The following FANCC variants were observed in gnomAD, a reference collection of about 807,000 sequenced individuals.
The protein encoded by FANCC is FA complementation group C, also known as Fanconi anemia group C protein.
In FANCC, 55 loss-of-function variants were observed where a neutral mutation model predicts 71.3. That is an observed-to-expected ratio of 0.77 (90% CI 0.62 to 0.97). The LOEUF is 0.97. Among genes scored for constraint, FANCC ranks in the 50% least tolerant of loss-of-function variants. The pLI, the probability that FANCC is intolerant of heterozygous loss-of-function variation, is 0.00. For missense variants in FANCC, 678 were observed against 670.9 expected (o/e 1.01, Z -0.12); for synonymous variants, 275 against 244.9 (o/e 1.12, Z -1.15).
intron 10 of FANCC, among the ~76,000 whole-genome samples, chr9:95,124,789 C>G (rs1204473432): frequency 6.6e-6 from 1 of 152,220 alleles, no homozygotes; most frequent in African/African-American, 2.4e-5. Flanking sequence ...GCTCGGCAGA[C>G]AGTGCACAAC....
intron 4 of FANCC, among the ~76,000 whole-genome samples, chr9:95,208,872 C>T (rs961847896): frequency 1.3e-5 from 2 of 152,164 alleles, no homozygotes; most frequent in African/African-American, 4.8e-5. Flanking sequence ...ATATTCTCCA[C>T]CTATCATACT....
At position 95,100,002 on chromosome 9, in the gene FANCC, CCT is replaced by C. The variant is rs2134372627; in HGVS notation, c.*1703_*1704del. ...AACAGGAGGCCTGGTCCCAGTGGCC[CCT>C]CTCTCTAGGGGTTCCCTGCTGCCAC... On this transcript the variant is annotated 3_prime_UTR_variant, in exon 15 of 15. Transcript: ENST00000289081. The C allele has an allele frequency of 4.3e-6, 1 of 232,314 alleles. No individual in the cohort carries two copies. Among genetic ancestry groups the C allele is most frequent in the East Asian group, 6.1e-5 (1 of 16,446 alleles). 14.4% of individuals were successfully genotyped at this position (232,314 alleles called of 1,614,324 possible). A position where few individuals can be genotyped will look rare whatever the true frequency, so the allele number is the denominator to read the frequency against.
intron 7 of FANCC, among the ~76,000 whole-genome samples, chr9:95,143,442 G>C (rs2135335692): frequency 6.6e-6 from 1 of 152,146 alleles, no homozygotes; most frequent in South Asian, 2.1e-4. Flanking sequence ...GCTATCTGGG[G>C]GCCCACCAGG....
In FANCC at chr9:95,199,464, G is replaced by A. The variant is rs112468849; in HGVS notation, c.346-27317C>T. On this transcript the variant is annotated intron_variant, in intron 4 of 14. Transcript: ENST00000289081. ...CTACTAAAGCCCGAATTGCTCTTCC[G>A]GTGTCAGCTCCAGCAAGACCACCTC... Among the ~76,000 whole-genome samples, 566 of 152,128 alleles carry A rather than the reference G, an allele frequency of 3.7e-3. 3 individuals are homozygous for A. Among genetic ancestry groups the A allele is most frequent in the African/African-American group, 0.013 (542 of 41,490 alleles).
intron 6 of FANCC, among the ~76,000 whole-genome samples, chr9:95,157,322 T>A (rs1248845025): frequency 6.6e-6 from 1 of 152,218 alleles, no homozygotes; most frequent in African/African-American, 2.4e-5. Flanking sequence ...TGCATTATTT[T>A]TAGAGGCCTG....
chr9:95,134,336 C>T (rs1827331592), intron 8 of FANCC, among the ~76,000 whole-genome samples: 1 of 152,168 alleles, frequency 6.6e-6, no homozygotes, highest in South Asian at 2.1e-4. Context: ...GTTCTATGAG[C>T]TCAGGAAAAG....
intron 1 of FANCC, among the ~76,000 whole-genome samples, chr9:95,313,575 C>T (rs1835547890): frequency 6.6e-6 from 1 of 152,166 alleles, no homozygotes; most frequent in African/African-American, 2.4e-5. Flanking sequence ...CAATCCTTCA[C>T]AAACTCTGAA....
chr9:95,293,504 G>A (rs1834182665), intron 1 of FANCC: 4 of 1,587,462 alleles, frequency 2.5e-6, no homozygotes, highest in African/African-American at 1.3e-5. Flanking sequence ...AAGTGAACTT[G>A]GGTAAAAGTC....
intron 7 of FANCC, among the ~76,000 whole-genome samples, chr9:95,142,085 C>T (rs1465146741): frequency 4.0e-5 from 6 of 150,892 alleles, no homozygotes; most frequent in African/African-American, 1.2e-4. Flanking sequence ...CTCTGCCTCC[C>T]GGGTTCAAGC....
At chr9:95,313,279 A>G (rs1393911657) in intron 1 of FANCC, among the ~76,000 whole-genome samples, 1 of 152,186 alleles carries the variant, frequency 6.6e-6, no homozygotes, top group Admixed American at 6.5e-5. Context: ...AGCCGCACAC[A>G]CTATGGGAGC....
In FANCC at chr9:95,172,158, T is replaced by TA; in HGVS notation, c.346-12dup. ...ATGAGATAATACACCCTAAAAAACATAAACAGAAAAAGTTAACTTCTTTAA... is the reference window on the plus strand; with the variant it reads ...ATGAGATAATACACCCTAAAAAACATAAAACAGAAAAAGTTAACTTCTTTAA... On this transcript the variant is annotated splice_polypyrimidine_tract_variant and intron_variant, in intron 4 of 14. Coordinates refer to ENST00000289081, the MANE Select transcript of FANCC (RefSeq NM_000136.3). 6.4e-7 allele frequency: 1 copy of TA among 1,559,432 alleles called. No individual in the cohort carries two copies. The highest frequency in any genetic ancestry group is 8.8e-7 in the Non-Finnish European group (1 of 1,132,604).
At chr9:95,158,431 G>A (rs919723457) in intron 6 of FANCC, among the ~76,000 whole-genome samples, 2 of 151,856 alleles carry the variant, frequency 1.3e-5, no homozygotes, top group East Asian at 1.9e-4. Flanking sequence ...CTTAAGAAGC[G>A]GTAGAGAACA....
intron 1 of FANCC, among the ~76,000 whole-genome samples, chr9:95,252,065 G>A (rs1301829383): frequency 6.6e-6 from 1 of 151,866 alleles, no homozygotes; most frequent in Non-Finnish European, 1.5e-5. Flanking sequence ...ATCACCTGAG[G>A]TCAGGAGTTT....
In FANCC at chr9:95,283,964, A is replaced by G. The variant is rs562064556; in HGVS notation, c.-79+33562T>C. 2.0e-5 allele frequency among the ~76,000 whole-genome samples: 3 copies of G among 152,344 alleles called. No homozygotes were observed. In the East Asian group the frequency reaches 5.8e-4, roughly 29 times the overall value. ...TCCGTTTCTGTATCTGTAAAATGGG[A>G]AAAACCTAGTAGGGTTGCTGTGAAT... On this transcript the variant is annotated intron_variant, in intron 1 of 14. Coordinates refer to ENST00000289081, the MANE Select transcript of FANCC (RefSeq NM_000136.3).
chr9:95,126,533 A>C lies in FANCC; in HGVS notation c.892T>G (p.Phe298Val), dbSNP rs1396263780. The stretch of plus-strand genomic sequence containing the variant: ...AAGAAACAGTGTAACGTTTACCTGA[A>C]CATCTCATCAACAACCCGGAATATG... Reference protein sequence around the residue: ...PAIFRVVDEMFRCALLETDGA... With the variant: ...PAIFRVVDEMVRCALLETDGA... The change falls in exon 9 of 15, where the codon TTC becomes GTC. Residue 298 changes from phenylalanine (F) to valine (V), a missense_variant. Transcript: ENST00000289081. 6.2e-7 allele frequency: 1 copy of C among 1,613,968 alleles called. No homozygotes were observed. Among genetic ancestry groups the C allele is most frequent in the Admixed American group, 1.7e-5 (1 of 60,014 alleles).
At chr9:95,300,311 A>T (rs1318611626) in intron 1 of FANCC, among the ~76,000 whole-genome samples, 3 of 152,192 alleles carry the variant, frequency 2.0e-5, no homozygotes, top group Admixed American at 6.5e-5. Flanking sequence ...AGGAGAAAAT[A>T]AGAAAGAATG....
At chr9:95,115,488 T>C (rs915677519) in intron 11 of FANCC, among the ~76,000 whole-genome samples, 3 of 152,180 alleles carry the variant, frequency 2.0e-5, no homozygotes, top group African/African-American at 4.8e-5. Context: ...TGATTTCAGG[T>C]TTACAGTGGA....
chr9:95,207,282 A>G (rs1457937710), intron 4 of FANCC, among the ~76,000 whole-genome samples: 1 of 152,220 alleles, frequency 6.6e-6, no homozygotes, highest in African/African-American at 2.4e-5. Context: ...CAAAAGAGCT[A>G]TAAGAATTTT....
At position 95,238,669 on chromosome 9, in the gene FANCC, G is replaced by A. The variant is rs568297115; in HGVS notation, c.345+1980C>T. Among the ~76,000 whole-genome samples the A allele has an allele frequency of 2.0e-5, 3 of 151,984 alleles. No individual in the cohort carries two copies. The East Asian group carries it at 5.8e-4, about 30-fold the overall frequency. The stretch of plus-strand genomic sequence containing the variant: ...CAACCTCTGCCTCCCAGGTTCAAGC[G>A]ATTCTCCTGCCTCAGCCTCCCTAGT... On this transcript the variant is annotated intron_variant, in intron 4 of 14. Coordinates refer to ENST00000289081, the MANE Select transcript of FANCC (RefSeq NM_000136.3).
Sources: gnomAD v4.1 joint callset for allele counts (sites outside exome capture counted in the v4.1 genomes callset) on GRCh38, gnomAD v4.1.1 for gene constraint, MANE v1.5 for transcripts, NCBI Gene and HGNC (gene_info 2026-07-23, HGNC 2026-07-21) for gene names.